DPYSL2: variants seen among roughly 807,000 people sequenced by gnomAD.
DPYSL2 encodes dihydropyrimidinase like 2.
In DPYSL2, 13 loss-of-function variants were observed where a neutral mutation model predicts 69.9. The observed-to-expected ratio is 0.19, with a 90% confidence interval of 0.12 to 0.30. The LOEUF (loss-of-function observed/expected upper bound fraction) is 0.30, where lower values mean the gene tolerates loss of function less well. Ranked by LOEUF, DPYSL2 falls within the 10% of genes least tolerant of loss-of-function variation. DPYSL2 has a pLI of 1.00. For synonymous variants in DPYSL2, 326 were observed against 359.1 expected, an observed-to-expected ratio of 0.91 and a Z score of 1.04; for missense variants, 587 against 918.9, an observed-to-expected ratio of 0.64 and a Z score of 4.67.
rs554772382 is a variant in DPYSL2 at position 26,651,000 on chromosome 8, G to A, written c.1597-1257G>A. Among the ~76,000 whole-genome samples, 2 of 152,212 alleles carry A rather than the reference G, an allele frequency of 1.3e-5. No individual in the cohort carries two copies. The highest frequency in any genetic ancestry group is 6.5e-5 in the Admixed American group (1 of 15,278). On this transcript the variant is annotated intron_variant, in intron 11 of 13. Transcript: ENST00000521913. This position sits in a 1 kb window ranked among gnomAD's most constrained non-coding sequence, Gnocchi z 5.3. ...TTTAGTCTAGGCTGGCAGTACCCGC[G>A]TGGCTCCGGCTGCTATAAGACACAT...
At chr8:26,567,670 G>A (rs1032869958) in intron 1 of DPYSL2, among the ~76,000 whole-genome samples, 3 of 152,254 alleles carry the variant, frequency 2.0e-5, no homozygotes, top group African/African-American at 7.2e-5. Flanking sequence ...GTTGCACAGA[G>A]GAGTGATGGT....
At chr8:26,625,796 G>A (rs1802599793) in intron 4 of DPYSL2, among the ~76,000 whole-genome samples, 1 of 152,162 alleles carries the variant, frequency 6.6e-6, no homozygotes, top group Admixed American at 6.5e-5. Flanking sequence ...GTTTGGTAGA[G>A]GCAGCTTAAA....
Position 26,514,615 on chromosome 8 carries a change from C to G in DPYSL2, c.290C>G (p.Ser97Trp). 1 of 1,443,074 alleles carries G rather than the reference C, an allele frequency of 6.9e-7. No homozygotes were observed. The highest frequency in any genetic ancestry group is 1.5e-5 in the African/African-American group (1 of 68,894). 89.4% of individuals were successfully genotyped at this position (1,443,074 alleles called of 1,614,324 possible). Residue 97 changes from serine to tryptophan, a missense_variant, in exon 1 of 14, where the codon TCG becomes TGG. By Grantham distance (177) the Ser-to-Trp change is radical (BLOSUM62 -3). This residue lies in a region of DPYSL2 where 85 missense variants were observed against 77.7 expected (regional missense o/e 1.09). Coordinates refer to ENST00000521913, the MANE Select transcript of DPYSL2 (RefSeq NM_001197293.3). This position sits in a 1 kb window ranked among gnomAD's most constrained non-coding sequence, Gnocchi z 8.4. Reference sequence around the variant, plus strand: ...GCCGGCGGAGAGCCATCTGTTGAATCGGGCCGGAAGGTGGAGATCCGGAGG... The same window carrying G: ...GCCGGCGGAGAGCCATCTGTTGAATGGGGCCGGAAGGTGGAGATCCGGAGG... ...RRAGGEPSVE[S>W]GRKVEIRRAS...
At chr8:26,535,704 A>G (rs1049437714) in intron 1 of DPYSL2, among the ~76,000 whole-genome samples, 1 of 151,684 alleles carries the variant, frequency 6.6e-6, no homozygotes, top group Non-Finnish European at 1.5e-5. Flanking sequence ...ATTATTATCT[A>G]CTTAGATGAG....
In DPYSL2 at chr8:26,652,519, C is replaced by A; in HGVS notation, c.1776+83C>A. The A allele has an allele frequency of 2.1e-6, 3 of 1,405,592 alleles. No individual in the cohort carries two copies. Among genetic ancestry groups the A allele is most frequent in the Middle Eastern group, 1.9e-4 (1 of 5,290 alleles). The allele number at this position is 1,405,592 out of a possible 1,614,324, so 87.1% of individuals were successfully genotyped here. A position where few individuals can be genotyped will look rare whatever the true frequency, so the allele number is the denominator to read the frequency against. On this transcript the variant is annotated intron_variant, in intron 12 of 13. Transcript: ENST00000521913. The surrounding 1 kb of genome is among the most constrained non-coding windows in gnomAD (Gnocchi z 6.3). The stretch of plus-strand genomic sequence containing the variant: ...CAAACATTTATTAAGCACCTTGAGA[C>A]AGAATATTAAGATGAATTTAGTGGA...
chr8:26,580,912 A>G lies in DPYSL2; in HGVS notation c.355-1057A>G, dbSNP rs1184695716. ...GCATTTGCAATAACGATGAGTCATA[A>G]TGTAGCATTTCTGTCACATTCTCAG... On this transcript the variant is annotated intron_variant, in intron 1 of 13. Transcript: ENST00000521913. The surrounding 1 kb of genome is among the most constrained non-coding windows in gnomAD (Gnocchi z 4.1). Among the ~76,000 whole-genome samples the G allele has an allele frequency of 6.6e-6, 1 of 152,214 alleles. No homozygotes were observed. Among genetic ancestry groups the G allele is most frequent in the Non-Finnish European group, 1.5e-5 (1 of 68,046 alleles).
In DPYSL2 at chr8:26,586,864, C is replaced by T. The variant is rs1161216414; in HGVS notation, c.628+2881C>T. On this transcript the variant is annotated intron_variant, in intron 3 of 13. Coordinates refer to ENST00000521913, the MANE Select transcript of DPYSL2 (RefSeq NM_001197293.3). The surrounding 1 kb of genome is among the most constrained non-coding windows in gnomAD (Gnocchi z 4.7). Reference sequence around the variant, plus strand: ...GATGCGATCTGGCTATAGAGTGGGGCATCCAATGAGCGAACCTCAAGGAAT... The same window carrying T: ...GATGCGATCTGGCTATAGAGTGGGGTATCCAATGAGCGAACCTCAAGGAAT... Among the ~76,000 whole-genome samples the T allele has an allele frequency of 1.3e-5, 2 of 152,194 alleles. No homozygotes were observed. The highest frequency in any genetic ancestry group is 4.8e-5 in the African/African-American group (2 of 41,436).
At chr8:26,543,437 G>A (rs969118432) in intron 1 of DPYSL2, among the ~76,000 whole-genome samples, 4 of 151,430 alleles carry the variant, frequency 2.6e-5, no homozygotes, top group African/African-American at 9.7e-5. Context: ...TTCATTTTTT[G>A]TATCAATTAT....
chr8:26,549,894 A>G (rs1800844853), intron 1 of DPYSL2, among the ~76,000 whole-genome samples: 1 of 152,216 alleles, frequency 6.6e-6, no homozygotes, highest in East Asian at 1.9e-4. Context: ...CACTGGTGAC[A>G]TTGCAAGAAA....
At chr8:26,655,313 A>G (rs1359849779) in intron 13 of DPYSL2, among the ~76,000 whole-genome samples, 1 of 152,114 alleles carries the variant, frequency 6.6e-6, no homozygotes, top group Non-Finnish European at 1.5e-5. Flanking sequence ...CGTCAGCAAC[A>G]TAGCGAAACC....
chr8:26,555,448 A>G (rs1256101581), intron 1 of DPYSL2, among the ~76,000 whole-genome samples: 4 of 152,310 alleles, frequency 2.6e-5, no homozygotes, highest in African/African-American at 9.6e-5. Context: ...TTGGTTTTCT[A>G]TATACCAGCA....
chr8:26,561,945 C>T (rs1027367561), intron 1 of DPYSL2, among the ~76,000 whole-genome samples: 1 of 152,108 alleles, frequency 6.6e-6, no homozygotes, highest in African/African-American at 2.4e-5. Context: ...GGTTGGGGAC[C>T]CCTGCGTTAA....
At chr8:26,581,521 C>T (rs796596406) in intron 1 of DPYSL2, among the ~76,000 whole-genome samples, 4 of 151,876 alleles carry the variant, frequency 2.6e-5, no homozygotes, top group African/African-American at 9.7e-5. Flanking sequence ...TACAGGCGCC[C>T]ACCACCATGC....
Position 26,653,085 on chromosome 8 carries a change from C to G in DPYSL2, c.1777-147C>G. On this transcript the variant is annotated intron_variant, in intron 12 of 13. Coordinates refer to ENST00000521913, the MANE Select transcript of DPYSL2 (RefSeq NM_001197293.3). This position sits in a 1 kb window ranked among gnomAD's most constrained non-coding sequence, Gnocchi z 5.7. The stretch of plus-strand genomic sequence containing the variant: ...GAGTTTTGGCCTGGCATGGTGGGAG[C>G]TGGCCCCACACAACACCTGTCCACC... 1 of 947,632 alleles carries G rather than the reference C, an allele frequency of 1.1e-6. No individual in the cohort carries two copies. Among genetic ancestry groups the G allele is most frequent in the Non-Finnish European group, 1.6e-6 (1 of 633,390 alleles). The allele number at this position is 947,632 out of a possible 1,614,324, so 58.7% of individuals were successfully genotyped here.
In DPYSL2 at chr8:26,584,057, C is replaced by T. The variant is rs1018169854; in HGVS notation, c.628+74C>T. 7 of 1,473,712 alleles carry T rather than the reference C, an allele frequency of 4.7e-6. No individual in the cohort carries two copies. In the East Asian group the frequency reaches 6.9e-5, roughly 15 times the overall value. 91.3% of individuals were successfully genotyped at this position (1,473,712 alleles called of 1,614,324 possible). A position where few individuals can be genotyped will look rare whatever the true frequency, so the allele number is the denominator to read the frequency against. On this transcript the variant is annotated intron_variant, in intron 3 of 13. Transcript: ENST00000521913. ...TTGCAAATAAGTCTATTGTTTGATTCTCTCCTTCTAAAACTTGCTGTCCTG... is the reference window on the plus strand; with the variant it reads ...TTGCAAATAAGTCTATTGTTTGATTTTCTCCTTCTAAAACTTGCTGTCCTG...
intron 1 of DPYSL2, among the ~76,000 whole-genome samples, chr8:26,567,860 C>T (rs1024225938): frequency 6.6e-6 from 1 of 152,242 alleles, no homozygotes; most frequent in Non-Finnish European, 1.5e-5. Flanking sequence ...TCTCTCCAGG[C>T]TCCAGTGTTA....
rs1055695112 is a variant in DPYSL2, at chr8:26,594,701, G to T, written c.628+10718G>T. On this transcript the variant is annotated intron_variant, in intron 3 of 13. Transcript: ENST00000521913. ...CTATTGTTTATCTAATCTATCAATT[G>T]ACCATTCATCTGTTCATCTTTCATA... is the stretch of plus-strand genomic sequence containing the variant. Among the ~76,000 whole-genome samples the T allele has an allele frequency of 3.3e-5, 5 of 151,732 alleles. No individual in the cohort carries two copies. In the South Asian group the frequency reaches 1.0e-3, roughly 32 times the overall value.
At position 26,647,684 on chromosome 8, in the gene DPYSL2, G is replaced by A. The variant is rs760501216; in HGVS notation, c.1480G>A (p.Ala494Thr). 4.3e-6 allele frequency: 7 copies of A among 1,614,042 alleles called. No homozygotes were observed. In the Middle Eastern group the frequency reaches 4.9e-4, roughly 114 times the overall value. ...TGTGGCTGTGACCAGCACCAATGCA[G>A]CCAAAGTCTTCAACCTTTACCCCCG... is the stretch of plus-strand genomic sequence containing the variant. ...QFVAVTSTNA[A>T]KVFNLYPRKG... is the part of the protein sequence containing the mutation. The change falls in exon 11 of 14, where the codon GCC becomes ACC. Residue 494 changes from alanine to threonine, a missense_variant. By Grantham distance (58) the Ala-to-Thr change is moderately conservative. Transcript: ENST00000521913. The surrounding 1 kb of genome is among the most constrained non-coding windows in gnomAD (Gnocchi z 5.1).
At chr8:26,527,364 T>C (rs1223943645) in intron 1 of DPYSL2, among the ~76,000 whole-genome samples, 1 of 152,254 alleles carries the variant, frequency 6.6e-6, no homozygotes, top group African/African-American at 2.4e-5. Context: ...AAAATTTTTT[T>C]AAGGATGATC....
Sources: allele counts gnomAD v4.1 joint callset (sites outside exome capture counted in the v4.1 genomes callset), GRCh38; gene constraint gnomAD v4.1.1; regional missense constraint gnomAD v4.1.1; non-coding constraint Gnocchi (gnomAD v3.1); transcripts MANE v1.5; gene names NCBI Gene and HGNC (gene_info 2026-07-23, HGNC 2026-07-21).